Variants in STRBP observed in about 807,000 individuals in gnomAD.
STRBP encodes the protein spermatid perinuclear RNA binding protein, also known as spermatid perinuclear RNA-binding protein.
A neutral mutation model predicts 80.1 loss-of-function variants in STRBP; 13 were observed. That is an observed-to-expected ratio of 0.16 (90% CI 0.11 to 0.26). The LOEUF is 0.26. Among genes scored for constraint, STRBP ranks in the 10% least tolerant of loss-of-function variants. The pLI is 1.00. For synonymous variants in STRBP, 284 were observed against 291.2 expected, an observed-to-expected ratio of 0.98 and a Z score of 0.25; for missense variants, 485 against 815.2, an observed-to-expected ratio of 0.59 and a Z score of 4.93.
At chr9:123,152,816 G>C (rs549212827) in intron 11 of STRBP, among the ~76,000 whole-genome samples, 4 of 152,204 alleles carry the variant, frequency 2.6e-5, no homozygotes, top group Admixed American at 2.6e-4. Context: ...TGATTGTGGA[G>C]GTGGCTACAG....
At chr9:123,263,195 G>A (rs2041193731) in intron 1 of STRBP, among the ~76,000 whole-genome samples, 1 of 152,148 alleles carries the variant, frequency 6.6e-6, no homozygotes, top group Non-Finnish European at 1.5e-5. Context: ...AACTATTAGA[G>A]TAGATCACGT....
intron 5 of STRBP, 148 bp downstream of exon 5, chr9:123,173,529 A>C: frequency 8.0e-6 from 6 of 748,966 alleles, no homozygotes; most frequent in Non-Finnish European, 1.2e-5. Flanking sequence ...ACTGTGATGA[A>C]TTAGTCATTG....
downstream of STRBP, among the ~76,000 whole-genome samples, chr9:123,117,213 G>A (rs2035660419): frequency 6.6e-6 from 1 of 152,140 alleles, no homozygotes; most frequent in Admixed American, 6.5e-5. Flanking sequence ...ACGACAGCCT[G>A]GGATTCAAAG....
At chr9:123,266,632 T>A (rs1324236909) in intron 1 of STRBP, among the ~76,000 whole-genome samples, 1 of 151,988 alleles carries the variant, frequency 6.6e-6, no homozygotes, top group East Asian at 1.9e-4. Flanking sequence ...CATACTCTCT[T>A]AAGCAACCTG....
At chr9:123,183,732 C>T (rs1232999265) in intron 3 of STRBP, among the ~76,000 whole-genome samples, 3 of 152,164 alleles carry the variant, frequency 2.0e-5, no homozygotes, top group Non-Finnish European at 4.4e-5. Context: ...AACATTCACA[C>T]ATATTATAAA....
chr9:123,251,233 AAGAAGAAGAAGAAGG>A (rs780685105), intron 1 of STRBP, among the ~76,000 whole-genome samples: 65 of 150,908 alleles, frequency 4.3e-4, no homozygotes, highest in Non-Finnish European at 8.0e-4. Context: ...CCCTCTCTCA[AAGAAGAAGAAGAAGG>A]AGAAGGAGAA....
chr9:123,241,511 C>T (rs550223387), intron 1 of STRBP, among the ~76,000 whole-genome samples: 20 of 151,452 alleles, frequency 1.3e-4, no homozygotes, highest in African/African-American at 4.4e-4. Flanking sequence ...CTTGTCAACC[C>T]GCACACACAA....
At chr9:123,159,332 C>T in intron 8 of STRBP, 125 bp from the exon 9 acceptor site, 1 of 578,664 alleles carries the variant, frequency 1.7e-6, no homozygotes, top group Non-Finnish European at 2.9e-6. Context: ...ACATTTAGGA[C>T]CCACTTAACA....
At chr9:123,144,001 C>T (rs1029650463) in intron 13 of STRBP, among the ~76,000 whole-genome samples, 1 of 152,020 alleles carries the variant, frequency 6.6e-6, no homozygotes, top group South Asian at 2.1e-4. Flanking sequence ...AGTTCAAGAC[C>T]AGCCTGGCCA....
At chr9:123,229,786 G>A (rs1327521900) in intron 2 of STRBP, among the ~76,000 whole-genome samples, 1 of 152,156 alleles carries the variant, frequency 6.6e-6, no homozygotes, top group Admixed American at 6.5e-5. Context: ...TAAAAGGAAG[G>A]GGTCGGAATA....
At chr9:123,231,994 T>G (rs2040411719) in intron 2 of STRBP, among the ~76,000 whole-genome samples, 1 of 152,178 alleles carries the variant, frequency 6.6e-6, no homozygotes, top group East Asian at 1.9e-4. Context: ...TTCCCACTGT[T>G]GTACTTGAAT....
At chr9:123,158,668 G>C (rs555465691) in intron 9 of STRBP, among the ~76,000 whole-genome samples, 5 of 152,220 alleles carry the variant, frequency 3.3e-5, no homozygotes, top group Admixed American at 6.5e-5. Flanking sequence ...GGCCCAAACT[G>C]AGTCTTACTC....
At chr9:123,238,820 CTT>C (rs986626586) in intron 1 of STRBP, among the ~76,000 whole-genome samples, 5 of 152,002 alleles carry the variant, frequency 3.3e-5, no homozygotes, top group Admixed American at 2.6e-4. Flanking sequence ...CAGAATTAAA[CTT>C]AAGTATATAA....
At chr9:123,223,315 C>T (rs1361056873) in intron 2 of STRBP, among the ~76,000 whole-genome samples, 1 of 151,984 alleles carries the variant, frequency 6.6e-6, no homozygotes, top group Admixed American at 6.6e-5. Context: ...TTTCAAAATT[C>T]ACAGAACTGT....
intron 5 of STRBP, among the ~76,000 whole-genome samples, chr9:123,170,543 G>GT (rs1465856855): frequency 1.3e-5 from 2 of 152,090 alleles, no homozygotes; most frequent in African/African-American, 4.8e-5. Flanking sequence ...GAATGAAAAA[G>GT]TATCTCTGCA....
chr9:123,167,485 C>T (rs1349952248), intron 6 of STRBP, among the ~76,000 whole-genome samples: 3 of 151,906 alleles, frequency 2.0e-5, no homozygotes, highest in Non-Finnish European at 4.4e-5. Context: ...AATTATAGAC[C>T]AGATCCTCCA....
downstream of STRBP, among the ~76,000 whole-genome samples, chr9:123,117,429 A>C (rs995788611): frequency 6.6e-6 from 1 of 152,196 alleles, no homozygotes. Flanking sequence ...ACAGCAGCAG[A>C]AGAATCCAAC....
chr9:123,123,709 T>C lies in STRBP; in HGVS notation c.*1888A>G, dbSNP rs1379334019. The C allele has an allele frequency of 1.0e-6, 1 of 985,280 alleles. No homozygotes were observed. Among genetic ancestry groups the C allele is most frequent in the African/African-American group, 1.7e-5 (1 of 57,220 alleles). The allele number at this position is 985,280 out of a possible 1,614,324, so 61.0% of individuals were successfully genotyped here. A position where few individuals can be genotyped will look rare whatever the true frequency, so the allele number is the denominator to read the frequency against. ...GAGATTCCAACGTGGAATCCAAATT[T>C]GATGACCAATTTCAAATAACAATAC... On this transcript the variant is annotated 3_prime_UTR_variant, in exon 19 of 19. Coordinates refer to ENST00000348403, the MANE Select transcript of STRBP (RefSeq NM_018387.5).
intron 4 of STRBP, among the ~76,000 whole-genome samples, chr9:123,178,507 A>G (rs551655430): frequency 6.6e-6 from 1 of 152,334 alleles, no homozygotes; most frequent in South Asian, 2.1e-4. Flanking sequence ...ACAAATATAC[A>G]AAGAGCAGTT....
Sources: gnomAD v4.1 joint callset for allele counts (sites outside exome capture counted in the v4.1 genomes callset) on GRCh38, gnomAD v4.1.1 for gene constraint, MANE v1.5 for transcripts, NCBI Gene and HGNC (gene_info 2026-07-23, HGNC 2026-07-21) for gene names.